NUP93: variants seen among roughly 807,000 people sequenced by gnomAD.
NUP93 encodes nucleoporin 93.
In NUP93, 55 loss-of-function variants were observed where a neutral mutation model predicts 107.8. That is an observed-to-expected ratio of 0.51 (90% CI 0.41 to 0.64). The LOEUF (loss-of-function observed/expected upper bound fraction) is 0.64, where lower values mean the gene tolerates loss of function less well. NUP93 is among the 30% of genes least tolerant of loss of function. The pLI, the probability that NUP93 is intolerant of heterozygous loss-of-function variation, is 0.00. For missense variants in NUP93, 937 were observed against 1,044.7 expected (o/e 0.90, Z 1.42); for synonymous variants, 390 against 397.5 (o/e 0.98, Z 0.22).
intron 3 of NUP93, among the ~76,000 whole-genome samples, chr16:56,769,800 G>T (rs1234445378): frequency 6.6e-6 from 1 of 152,200 alleles, no homozygotes; most frequent in East Asian, 1.9e-4. Context: ...CTGAACTATT[G>T]ATTGTTGACT....
At chr16:56,836,101 C>G (rs1490705437) in intron 16 of NUP93, among the ~76,000 whole-genome samples, 3 of 148,840 alleles carry the variant, frequency 2.0e-5, no homozygotes, top group African/African-American at 7.4e-5. Flanking sequence ...TGCACTCCAG[C>G]CTGGGAGACA....
chr16:56,768,822 G>GC (rs1203427314), intron 3 of NUP93, among the ~76,000 whole-genome samples: 2 of 145,908 alleles, frequency 1.4e-5, no homozygotes, highest in Non-Finnish European at 3.0e-5. Flanking sequence ...AGCCGAGATT[G>GC]CCCCACTGCA....
intron 5 of NUP93, among the ~76,000 whole-genome samples, chr16:56,811,913 T>C (rs1375859718): frequency 6.6e-6 from 1 of 152,234 alleles, no homozygotes; most frequent in Admixed American, 6.5e-5. Flanking sequence ...AAGATACACA[T>C]TTTTACTTCA....
chr16:56,748,560 G>A, intron 2 of NUP93, 134 bp downstream of exon 2: 1 of 746,890 alleles, frequency 1.3e-6, no homozygotes, highest in Admixed American at 3.0e-5. Flanking sequence ...CTCAGAAAGT[G>A]TTGTAAACAG....
At chr16:56,750,673 A>T (rs1020018917) in intron 2 of NUP93, among the ~76,000 whole-genome samples, 4 of 152,152 alleles carry the variant, frequency 2.6e-5, no homozygotes, top group Admixed American at 2.6e-4. Flanking sequence ...TTTTATTGGA[A>T]CACAGCCAGG....
chr16:56,766,846 G>A (rs1188796556), intron 3 of NUP93, among the ~76,000 whole-genome samples: 2 of 152,154 alleles, frequency 1.3e-5, no homozygotes, highest in Non-Finnish European at 2.9e-5. Context: ...GAGACCCTTG[G>A]CTTTACTTCT....
Position 56,836,691 on chromosome 16 carries a change from G to T in NUP93, c.1873G>T (p.Ala625Ser), listed in dbSNP as rs764588833. ...VAENKGLFEE[A>S]AKLYDLAKNA... Reference sequence around the variant, plus strand: ...AGAAAATAAAGGACTGTTTGAAGAGGCAGCAAAGCTGTATGACCTTGCCAA... The same window carrying T: ...AGAAAATAAAGGACTGTTTGAAGAGTCAGCAAAGCTGTATGACCTTGCCAA... The change falls in exon 17 of 22, where the codon GCA becomes TCA. Residue 625 changes from alanine to serine, a missense_variant. Coordinates refer to ENST00000308159, the MANE Select transcript of NUP93 (RefSeq NM_014669.5). 1 of 1,613,618 alleles carries T rather than the reference G, an allele frequency of 6.2e-7. No individual in the cohort carries two copies. Among genetic ancestry groups the T allele is most frequent in the Admixed American group, 1.7e-5 (1 of 59,980 alleles).
intron 7 of NUP93, among the ~76,000 whole-genome samples, chr16:56,822,116 A>AGG (rs1280821577): frequency 6.7e-6 from 1 of 148,210 alleles, no homozygotes; most frequent in African/African-American, 2.5e-5. Flanking sequence ...AAAAAAAAAA[A>AGG]GGGGGATGGA....
intron 1 of NUP93, chr16:56,747,893 T>C: frequency 5.9e-6 from 1 of 169,166 alleles, no homozygotes; most frequent in South Asian, 1.6e-4. Context: ...CCTCCTAGAG[T>C]GCCACAGTGG....
intron 1 of NUP93, among the ~76,000 whole-genome samples, chr16:56,742,793 A>G (rs769163174): frequency 6.6e-6 from 1 of 152,214 alleles, no homozygotes; most frequent in Non-Finnish European, 1.5e-5. Flanking sequence ...ACATAGGCTT[A>G]AGTCTAGAGA....
chr16:56,757,022 G>A lies in NUP93; in HGVS notation c.180-1516G>A, dbSNP rs538562302. Reference sequence around the variant, plus strand: ...GAGAGAGGCAAGATACGGCAACCTGGAGGGAAAGTCCCGGGGATGGCATCA... The same window carrying A: ...GAGAGAGGCAAGATACGGCAACCTGAAGGGAAAGTCCCGGGGATGGCATCA... On this transcript the variant is annotated intron_variant, in intron 2 of 21. Coordinates refer to ENST00000308159, the MANE Select transcript of NUP93 (RefSeq NM_014669.5). Among the ~76,000 whole-genome samples, 198 of 152,284 alleles carry A rather than the reference G, an allele frequency of 1.3e-3. 1 individual carries two copies. Among genetic ancestry groups the A allele is most frequent in the African/African-American group, 4.6e-3 (191 of 41,558 alleles).
chr16:56,790,633 T>A (rs4784729), intron 3 of NUP93, among the ~76,000 whole-genome samples: 16,628 of 152,240 alleles, frequency 0.11, 1,117 homozygotes, highest in Middle Eastern at 0.24. Flanking sequence ...GAAGAGGTCA[T>A]TCATTTGTTC....
In NUP93 at chr16:56,805,107, G is replaced by A. The variant is rs116944273; in HGVS notation, c.361-397G>A. On this transcript the variant is annotated intron_variant, in intron 4 of 21. Transcript: ENST00000308159. ...GGGTTTTGCTCTGTCACCCAGGAGG[G>A]AATGCAATGTTGCGATCACAGCTCA... 7.5e-3 allele frequency among the ~76,000 whole-genome samples: 1,144 copies of A among 152,120 alleles called. 4 individuals carry two copies. Among genetic ancestry groups the A allele is most frequent in the Non-Finnish European group, 0.012 (821 of 67,964 alleles).
intron 3 of NUP93, among the ~76,000 whole-genome samples, chr16:56,793,767 C>T (rs1414703736): frequency 6.6e-6 from 1 of 152,140 alleles, no homozygotes; most frequent in Admixed American, 6.5e-5. Flanking sequence ...AGATGGCACA[C>T]AGATCCCAGC....
At position 56,839,023 on chromosome 16, in the gene NUP93, C is replaced by T; in HGVS notation, c.2090C>T (p.Thr697Ile). The T allele has an allele frequency of 6.2e-7, 1 of 1,614,008 alleles. No homozygotes were observed. The highest frequency in any genetic ancestry group is 1.7e-5 in the Admixed American group (1 of 59,994). The change falls in exon 19 of 22, where the codon ACC becomes ATC. Residue 697 changes from threonine (T) to isoleucine (I), a missense_variant. Thr to Ile is a moderately conservative substitution (Grantham distance 89, BLOSUM62 -1). Coordinates refer to ENST00000308159, the MANE Select transcript of NUP93 (RefSeq NM_014669.5). ...STFYLLLDLITFFDEYHSGHI... is the reference protein window; with the variant it reads ...STFYLLLDLIIFFDEYHSGHI... ...TTCTATCTTCTTTTGGACTTGATCA[C>T]CTTTTTTGACGAGTATCATAGTGGT...
chr16:56,804,830 G>A (rs924982117), intron 4 of NUP93, among the ~76,000 whole-genome samples: 1 of 151,378 alleles, frequency 6.6e-6, no homozygotes, highest in East Asian at 1.9e-4. Flanking sequence ...CACTTGAACC[G>A]TGGAGGCGGA....
At chr16:56,791,722 C>T (rs1415266766) in intron 3 of NUP93, among the ~76,000 whole-genome samples, 5 of 152,208 alleles carry the variant, frequency 3.3e-5, no homozygotes, top group Admixed American at 2.6e-4. Context: ...TCAAGTTAAC[C>T]TTGATGTTAC....
intron 20 of NUP93, among the ~76,000 whole-genome samples, chr16:56,840,160 A>G (rs528738867): frequency 6.6e-6 from 1 of 152,278 alleles, no homozygotes; most frequent in South Asian, 2.1e-4. Flanking sequence ...AGCTGGGACT[A>G]CAGGTGCCCG....
chr16:56,834,143 G>C lies in NUP93; in HGVS notation c.1553G>C (p.Gly518Ala), dbSNP rs778654547. Residue 518 changes from glycine to alanine, a missense_variant, in exon 14 of 22, where the codon GGT (glycine) becomes GCT (alanine). By Grantham distance (60) the Gly-to-Ala change is moderately conservative. Coordinates refer to ENST00000308159, the MANE Select transcript of NUP93 (RefSeq NM_014669.5). ...QSAQLLSHEP[G>A]DPPCLRRLNF... ...CACAATGCAGTCAGCCACGAGCCTG[G>C]TGACCCTCCTTGCTTGCGGCGGCTG... is the stretch of plus-strand genomic sequence containing the variant. 1 of 1,614,138 alleles carries C rather than the reference G, an allele frequency of 6.2e-7. No homozygotes were observed. Among genetic ancestry groups the C allele is most frequent in the Non-Finnish European group, 8.5e-7 (1 of 1,180,026 alleles).
Sources: allele counts gnomAD v4.1 joint callset (sites outside exome capture counted in the v4.1 genomes callset), GRCh38; gene constraint gnomAD v4.1.1; transcripts MANE v1.5; gene names NCBI Gene and HGNC (gene_info 2026-07-23, HGNC 2026-07-21).